CCDC61: variants seen among roughly 807,000 people sequenced by gnomAD.
The protein encoded by CCDC61 is centrosomal protein CCDC61.
CCDC61 carries 55 observed loss-of-function variants against 63.0 expected under a neutral mutation model. That is an observed-to-expected ratio of 0.87 (90% CI 0.70 to 1.09). The LOEUF is 1.09. Ranked by LOEUF, CCDC61 falls within the 50% of genes least tolerant of loss-of-function variation. The pLI is 0.00. For missense variants in CCDC61, 651 were observed against 731.4 expected (o/e 0.89, Z 1.27); for synonymous variants, 270 against 317.0 (o/e 0.85, Z 1.58).
At chr19:46,003,849 G>A (rs56090708) in intron 3 of CCDC61, among the ~76,000 whole-genome samples, 2 of 121,014 alleles carry the variant, frequency 1.7e-5, no homozygotes, top group Non-Finnish European at 3.9e-5. Flanking sequence ...GTGTGTGTGT[G>A]TGTGTGTGTG....
chr19:46,008,326 T>TGGGGGGGG, intron 5 of CCDC61, 25 bp downstream of exon 5: 1 of 460,810 alleles, frequency 2.2e-6, no homozygotes, highest in East Asian at 5.9e-5. Flanking sequence ...GGTGGGCAGC[T>TGGGGGGGG]GGGGCGGGTG....
chr19:46,017,774 ACTGT>A (rs1181402772), intron 12 of CCDC61, among the ~76,000 whole-genome samples: 2 of 152,080 alleles, frequency 1.3e-5, no homozygotes, highest in African/African-American at 4.8e-5. Context: ...TTGGCTTCTG[ACTGT>A]CAGGTCTTGA....
chr19:46,017,015 C>A lies in CCDC61; in HGVS notation c.1256C>A (p.Ser419Ter), dbSNP rs539339728. The A allele has an allele frequency of 5.0e-6, 8 of 1,612,208 alleles. No individual in the cohort carries two copies. Among genetic ancestry groups the A allele is most frequent in the Admixed American group, 1.7e-5 (1 of 59,864 alleles). Reference protein sequence around the residue: ...SSVDSFRSRCSSASSCSDLED... With the variant: ...SSVDSFRSRC ...GTGGACAGTTTCCGCAGCCGCTGCT[C>A]GTCTGCCAGCTCCTGCAGCGATTTG... The change falls in exon 11 of 14, where the codon TCG (serine) becomes TAG (stop). Residue 419 changes from serine (S) to a stop codon, truncating the protein, a stop_gained. Transcript: ENST00000595358. LOFTEE classifies it high-confidence loss of function.
At chr19:46,010,494 C>T (rs1009747947) in intron 5 of CCDC61, among the ~76,000 whole-genome samples, 1 of 152,040 alleles carries the variant, frequency 6.6e-6, no homozygotes, top group African/African-American at 2.4e-5. Context: ...TGAGTGGAGT[C>T]GTTCTTGCCA....
intron 5 of CCDC61, among the ~76,000 whole-genome samples, chr19:46,009,802 CTGTGTGTGTGTGTATGTGTGTG>C (rs895693244): frequency 3.7e-4 from 47 of 128,322 alleles, no homozygotes; most frequent in Middle Eastern, 4.0e-3. Context: ...TGCTCTCAGG[CTGTGTGTGTGTGTATGTGTGTG>C]TGTGTGTGTG....
intron 1 of CCDC61, chr19:45,996,424 A>C (rs1255736479): frequency 8.3e-6 from 1 of 120,420 alleles, no homozygotes; most frequent in Non-Finnish European, 1.6e-5. Context: ...AGAAGCTTGG[A>C]GTGTTCTTTT....
At position 46,016,538 on chromosome 19, in the gene CCDC61, C is replaced by G; in HGVS notation, c.1091+145C>G. The G allele has an allele frequency of 7.3e-7, 1 of 1,369,450 alleles. No homozygotes were observed. Among genetic ancestry groups the G allele is most frequent in the African/African-American group, 1.4e-5 (1 of 69,672 alleles). 84.8% of individuals were successfully genotyped at this position (1,369,450 alleles called of 1,614,324 possible). ...TACCCCGCCTGCTCTCCCTTCCGTC[C>G]GTCCTACCTCCTCGTCTGTGTTTCT... On this transcript the variant is annotated intron_variant, in intron 9 of 13. Transcript: ENST00000595358. The surrounding 1 kb of genome is among the most constrained non-coding windows in gnomAD (Gnocchi z 7.2).
intron 5 of CCDC61, among the ~76,000 whole-genome samples, chr19:46,014,674 C>A (rs1469918544): frequency 1.3e-5 from 2 of 152,038 alleles, no homozygotes; most frequent in African/African-American, 4.8e-5. Context: ...ACTGGCCTGG[C>A]GAGGTGGGAG....
Position 46,006,626 on chromosome 19 carries a change from T to TG in CCDC61, c.305dup (p.Arg103ProfsTer27), listed in dbSNP as rs763812164. The TG allele has an allele frequency of 1.1e-5, 17 of 1,613,628 alleles. No homozygotes were observed. The highest frequency in any genetic ancestry group is 3.3e-5 in the South Asian group (3 of 91,048). The stretch of plus-strand genomic sequence containing the variant: ...CTGGAGTCCCTGCGGAACCGCAAGA[T>TG]GGGGGGCCGCCCAGGCTCCTTGGCC... On this transcript the variant is annotated frameshift_variant, in exon 4 of 14. Transcript: ENST00000595358. LOFTEE classifies it high-confidence loss of function.
rs1272891549 is a variant in CCDC61 at position 46,009,837 on chromosome 19, T to TGTGC, written c.551+1537_551+1538insTGCG. On this transcript the variant is annotated intron_variant, in intron 5 of 13. Transcript: ENST00000595358. ...GTGTATGTGTGTGTGTGTGTGTGTG[T>TGTGC]GCGCGCGCGTTTGCTCTGTCTCAGG... Among the ~76,000 whole-genome samples, 108 of 151,342 alleles carry TGTGC rather than the reference T, an allele frequency of 7.1e-4. 1 individual carries two copies. The highest frequency in any genetic ancestry group is 4.7e-3 in the Admixed American group (72 of 15,172).
rs1479120406 is a variant in CCDC61, at chr19:46,015,356, G to A, written c.774G>A (p.Ala258=). 6.2e-7 allele frequency: 1 copy of A among 1,601,846 alleles called. No homozygotes were observed. Among genetic ancestry groups the A allele is most frequent in the South Asian group, 1.1e-5 (1 of 90,690 alleles). ...TCCCCTCCCGGCAGCTCGAGGAGGC[G>A]AAGGCATCGGAGCGGAGCCTGCGCG... ...CRRLAKELEE[A]KASERSLRAR... is the part of the protein sequence containing the mutation. Residue 258 remains alanine (A), a synonymous_variant, in exon 7 of 14, where the codon GCG becomes GCA. Transcript: ENST00000595358. This position sits in a 1 kb window ranked among gnomAD's most constrained non-coding sequence, Gnocchi z 5.3.
intron 3 of CCDC61, among the ~76,000 whole-genome samples, 193 bp from the exon 4 acceptor site, chr19:46,006,366 T>C (rs1968709435): frequency 6.6e-6 from 1 of 152,236 alleles, no homozygotes; most frequent in African/African-American, 2.4e-5. Context: ...AGCATTTAGG[T>C]TCTTTCTGGT....
At position 46,016,548 on chromosome 19, in the gene CCDC61, C is replaced by T; in HGVS notation, c.1092-146C>T. ...GCTCTCCCTTCCGTCCGTCCTACCT[C>T]CTCGTCTGTGTTTCTGCGTGCTTTC... On this transcript the variant is annotated intron_variant, in intron 9 of 13. Transcript: ENST00000595358. The surrounding 1 kb of genome is among the most constrained non-coding windows in gnomAD (Gnocchi z 7.2). 7.2e-7 allele frequency: 1 copy of T among 1,397,432 alleles called. No homozygotes were observed. Among genetic ancestry groups the T allele is most frequent in the Non-Finnish European group, 9.8e-7 (1 of 1,018,364 alleles). The allele number at this position is 1,397,432 out of a possible 1,614,324, so 86.6% of individuals were successfully genotyped here.
chr19:45,995,619 A>G (rs1390160375), intron 1 of CCDC61, 115 bp downstream of exon 1: 3 of 369,014 alleles, frequency 8.1e-6, no homozygotes, highest in Admixed American at 3.6e-5. Flanking sequence ...CTGGCCTTGT[A>G]GGAATCGGGA....
At chr19:46,002,410 C>T (rs1437645871) in intron 1 of CCDC61, among the ~76,000 whole-genome samples, 2 of 149,362 alleles carry the variant, frequency 1.3e-5, no homozygotes, top group Non-Finnish European at 3.0e-5. Flanking sequence ...AATCATGATT[C>T]TTTTTTTGGC....
chr19:46,001,017 A>G (rs1489100639), intron 1 of CCDC61, among the ~76,000 whole-genome samples: 1 of 143,146 alleles, frequency 7.0e-6, no homozygotes, highest in Non-Finnish European at 1.5e-5. Context: ...GCGGCTCCTC[A>G]GGTGTTCAGT....
rs1600653794 is a variant in CCDC61 at position 46,015,170 on chromosome 19, G to C, written c.673G>C (p.Gly225Arg). Residue 225 changes from glycine (G) to arginine (R), a missense_variant, in exon 6 of 14, where the codon GGG becomes CGG. Transcript: ENST00000595358. This position sits in a 1 kb window ranked among gnomAD's most constrained non-coding sequence, Gnocchi z 5.3. ...CGAGGCGCTGCGCGGGCTGGTGCGCGGGCTGGAGCTGGAGCTGCGGCAGGA... is the reference window on the plus strand; with the variant it reads ...CGAGGCGCTGCGCGGGCTGGTGCGCCGGCTGGAGCTGGAGCTGCGGCAGGA... ...EAEALRGLVR[G>R]LELELRQERG... 2 of 1,263,360 alleles carry C rather than the reference G, an allele frequency of 1.6e-6. No homozygotes were observed. Among genetic ancestry groups the C allele is most frequent in the Non-Finnish European group, 9.9e-7 (1 of 1,008,978 alleles). The allele number at this position is 1,263,360 out of a possible 1,614,324, so 78.3% of individuals were successfully genotyped here. A position where few individuals can be genotyped will look rare whatever the true frequency, so the allele number is the denominator to read the frequency against.
rs1208827854 is a variant in CCDC61, at chr19:46,015,075, G to C, written c.578G>C (p.Arg193Pro). 3 of 1,467,072 alleles carry C rather than the reference G, an allele frequency of 2.0e-6. No individual in the cohort carries two copies. Among genetic ancestry groups the C allele is most frequent in the East Asian group, 3.0e-5 (1 of 33,760 alleles). The allele number at this position is 1,467,072 out of a possible 1,614,324, so 90.9% of individuals were successfully genotyped here. A position where few individuals can be genotyped will look rare whatever the true frequency, so the allele number is the denominator to read the frequency against. The change falls in exon 6 of 14, where the codon CGG (arginine) becomes CCG (proline). Residue 193 changes from arginine (R) to proline (P), a missense_variant. Arg to Pro is a moderately radical substitution (Grantham distance 103). Coordinates refer to ENST00000595358, the MANE Select transcript of CCDC61 (RefSeq NM_001267723.2). This position sits in a 1 kb window ranked among gnomAD's most constrained non-coding sequence, Gnocchi z 5.3. ...EQVSRLASEK[R>P]ELEAQLGRSR... ...GTGTCGCGCCTGGCGTCCGAGAAGC[G>C]GGAGCTGGAGGCGCAGCTGGGCCGA...
chr19:46,004,613 T>C (rs1403908238), intron 3 of CCDC61, among the ~76,000 whole-genome samples: 5 of 148,548 alleles, frequency 3.4e-5, no homozygotes, highest in Admixed American at 1.3e-4. Flanking sequence ...TACAGGCGTG[T>C]GCCGCCACAC....
Sources: allele counts gnomAD v4.1 joint callset (sites outside exome capture counted in the v4.1 genomes callset), GRCh38; gene constraint gnomAD v4.1.1; non-coding constraint Gnocchi (gnomAD v3.1); transcripts MANE v1.5; gene names NCBI Gene and HGNC (gene_info 2026-07-23, HGNC 2026-07-21).